IL1RAPL2: variants seen among roughly 807,000 people sequenced by gnomAD.
The protein encoded by IL1RAPL2 is interleukin 1 receptor accessory protein like 2.
A neutral mutation model predicts 44.1 loss-of-function variants in IL1RAPL2; 3 were observed. The observed-to-expected ratio is 0.07, with a 90% CI of 0.03 to 0.18. The LOEUF (loss-of-function observed/expected upper bound fraction) is 0.18. Among genes scored for constraint, IL1RAPL2 ranks in the 10% least tolerant of loss-of-function variants. The probability of loss-of-function intolerance (pLI) is 1.00; values close to 1 mark genes in which losing one functional copy is unlikely to be tolerated. For synonymous variants in IL1RAPL2, 181 were observed against 178.8 expected, an observed-to-expected ratio of 1.01 and a Z score of -0.10; for missense variants, 391 against 496.4, an observed-to-expected ratio of 0.79 and a Z score of 2.02.
intron 6 of IL1RAPL2, among the ~76,000 whole-genome samples, chrX:105,680,734 T>G (rs2037917673): frequency 8.9e-6 from 1 of 112,121 alleles, no homozygotes; most frequent in Non-Finnish European, 1.9e-5. Flanking sequence ...TCTACTAAAT[T>G]ATTATAAGTT....
intron 5 of IL1RAPL2, among the ~76,000 whole-genome samples, chrX:105,390,983 A>G (rs934287715): frequency 8.9e-6 from 1 of 112,091 alleles, no homozygotes; most frequent in Admixed American, 9.5e-5. Flanking sequence ...GCTTTACATT[A>G]TAGCATGCAA....
At chrX:105,030,064 C>G (rs755338647) in intron 2 of IL1RAPL2, among the ~76,000 whole-genome samples, 3 of 111,806 alleles carry the variant, frequency 2.7e-5, no homozygotes, top group African/African-American at 9.8e-5. Flanking sequence ...TGAGAAGTGT[C>G]TGTTCATATC....
At chrX:104,907,552 C>T (rs1421283949) in intron 2 of IL1RAPL2, among the ~76,000 whole-genome samples, 50 of 111,859 alleles carry the variant, frequency 4.5e-4, no homozygotes, top group Non-Finnish European at 6.6e-4. Flanking sequence ...GCCTTCATTT[C>T]GTTATGTACC....
At chrX:104,829,106 C>T (rs979985372) in intron 2 of IL1RAPL2, among the ~76,000 whole-genome samples, 1 of 111,871 alleles carries the variant, frequency 8.9e-6, no homozygotes, top group African/African-American at 3.3e-5. Context: ...ACTTGGCTCC[C>T]TGGCTTCAGC....
At chrX:104,794,452 A>G (rs2147609563) in intron 2 of IL1RAPL2, among the ~76,000 whole-genome samples, 1 of 110,984 alleles carries the variant, frequency 9.0e-6, no homozygotes, top group Admixed American at 9.6e-5. Flanking sequence ...TTAGATAAGC[A>G]GTGCCCCTAC....
chrX:104,636,647 A>ATGGGATATAATCTCC (rs1929815331), intron 1 of IL1RAPL2, among the ~76,000 whole-genome samples: 1 of 112,201 alleles, frequency 8.9e-6, no homozygotes, highest in Non-Finnish European at 1.9e-5. Flanking sequence ...CAAGCCATGC[A>ATGGGATATAATCTCC]TGGGATATAA....
intron 2 of IL1RAPL2, among the ~76,000 whole-genome samples, chrX:104,874,121 T>C (rs1247250422): frequency 9.1e-6 from 1 of 109,940 alleles, no homozygotes; most frequent in East Asian, 2.9e-4. Context: ...AGGATTATCA[T>C]CATTATCATA....
At chrX:105,514,791 A>G (rs2036499612) in intron 6 of IL1RAPL2, among the ~76,000 whole-genome samples, 1 of 111,862 alleles carries the variant, frequency 8.9e-6, no homozygotes, top group South Asian at 3.7e-4. Context: ...CCAACTTTCT[A>G]AGGACCAGCA....
At position 105,293,822 on chromosome X, in the gene IL1RAPL2, C is replaced by T. The variant is rs1310243171; in HGVS notation, c.697+26281C>T. On this transcript the variant is annotated intron_variant, in intron 5 of 10. Transcript: ENST00000372582. ...GCTAAGTCCCTCAAGCTCTAAGGAC[C>T]CTTTAAGCTGTGACATTAAGTCTCA... Among the ~76,000 whole-genome samples the T allele has an allele frequency of 2.7e-5, 3 of 111,168 alleles. No individual in the cohort carries two copies. The Admixed American group carries it at 2.9e-4, about 11-fold the overall frequency.
At chrX:104,720,697 G>A (rs995909603) in intron 2 of IL1RAPL2, among the ~76,000 whole-genome samples, 1 of 111,677 alleles carries the variant, frequency 9.0e-6, no homozygotes, top group Non-Finnish European at 1.9e-5. Context: ...CAGCTTTGCT[G>A]TACCTTGAAC....
intron 2 of IL1RAPL2, among the ~76,000 whole-genome samples, chrX:104,906,474 C>T (rs1406128313): frequency 2.7e-5 from 3 of 111,419 alleles, no homozygotes; most frequent in East Asian, 5.6e-4. Context: ...TTTGAAATAA[C>T]GTCCCATCAA....
intron 2 of IL1RAPL2, among the ~76,000 whole-genome samples, chrX:104,868,157 A>G (rs1343401723): frequency 1.8e-5 from 2 of 112,200 alleles, no homozygotes; most frequent in African/African-American, 6.5e-5. Context: ...AAGTGAGACT[A>G]TGAGCATATT....
intron 3 of IL1RAPL2, among the ~76,000 whole-genome samples, chrX:105,207,435 A>C (rs1171208692): frequency 1.8e-5 from 2 of 111,789 alleles, no homozygotes; most frequent in African/African-American, 6.5e-5. Context: ...GAAAAATATC[A>C]AAGGTAAGCC....
intron 5 of IL1RAPL2, among the ~76,000 whole-genome samples, chrX:105,382,890 G>A (rs376045295): frequency 4.0e-5 from 4 of 101,126 alleles, no homozygotes; most frequent in African/African-American, 7.3e-5. Context: ...AACACCGCAT[G>A]TTCTCACTCA....
chrX:105,218,943 T>C (rs2033900090), intron 3 of IL1RAPL2: 1 of 1,165,147 alleles, frequency 8.6e-7, no homozygotes, highest in African/African-American at 1.8e-5. Flanking sequence ...CATGCTTCGG[T>C]TCTATTTTGC....
chrX:105,620,076 G>A (rs140034151), intron 6 of IL1RAPL2, among the ~76,000 whole-genome samples: 356 of 110,986 alleles, frequency 3.2e-3, no homozygotes, highest in African/African-American at 0.011. Context: ...TCCTATAATA[G>A]TGTAGGAGTC....
At chrX:104,746,711 C>T (rs1932181934) in intron 2 of IL1RAPL2, among the ~76,000 whole-genome samples, 1 of 111,338 alleles carries the variant, frequency 9.0e-6, no homozygotes, top group African/African-American at 3.3e-5. Flanking sequence ...TAATTTAATG[C>T]TTCAAGTTTT....
At chrX:105,585,478 C>T (rs1003964020) in intron 6 of IL1RAPL2, among the ~76,000 whole-genome samples, 2 of 110,737 alleles carry the variant, frequency 1.8e-5, no homozygotes, top group African/African-American at 6.6e-5. Flanking sequence ...AAGTATTAAG[C>T]CCAGCATGTG....
intron 1 of IL1RAPL2, among the ~76,000 whole-genome samples, chrX:104,612,923 T>G (rs983463566): frequency 1.8e-5 from 2 of 111,630 alleles, no homozygotes; most frequent in African/African-American, 6.5e-5. Context: ...ATTTTAATTT[T>G]TTTTGTGGCT....
Sources: gnomAD v4.1 joint callset for allele counts (sites outside exome capture counted in the v4.1 genomes callset) on GRCh38, gnomAD v4.1.1 for gene constraint, MANE v1.5 for transcripts, NCBI Gene and HGNC (gene_info 2026-07-23, HGNC 2026-07-21) for gene names.